Variants in MB21D2 observed in about 807,000 individuals in gnomAD.
The protein encoded by MB21D2 is Mab-21 domain containing 2.
MB21D2 carries 9 observed loss-of-function variants against 33.3 expected under a neutral mutation model. The observed-to-expected ratio is 0.27, with a 90% confidence interval of 0.16 to 0.47. The LOEUF (loss-of-function observed/expected upper bound fraction) is 0.47. Among genes scored for constraint, MB21D2 ranks in the 20% least tolerant of loss-of-function variants. The probability of loss-of-function intolerance (pLI) is 0.99; values close to 1 mark genes in which losing one functional copy is unlikely to be tolerated. For missense variants in MB21D2, 540 were observed against 624.6 expected (o/e 0.86, Z 1.44); for synonymous variants, 241 against 236.3 (o/e 1.02, Z -0.18).
In MB21D2 at chr3:192,832,483, A is replaced by C. The variant is rs969638609; in HGVS notation, c.212-32833T>G. ...ATGTTTATAATATTTAAAAATCTGCATAATAAGGATATGAAAGAGTATGTC... is the reference window on the plus strand; with the variant it reads ...ATGTTTATAATATTTAAAAATCTGCCTAATAAGGATATGAAAGAGTATGTC... On this transcript the variant is annotated intron_variant, in intron 1 of 1. Coordinates refer to ENST00000392452, the MANE Select transcript of MB21D2 (RefSeq NM_178496.4). Among the ~76,000 whole-genome samples, 4 of 152,222 alleles carry C rather than the reference A, an allele frequency of 2.6e-5. No homozygotes were observed. The East Asian group carries it at 7.7e-4, about 29-fold the overall frequency.
At chr3:192,888,436 C>G (rs2108645919) in intron 1 of MB21D2, among the ~76,000 whole-genome samples, 1 of 152,232 alleles carries the variant, frequency 6.6e-6, no homozygotes, top group Non-Finnish European at 1.5e-5. Context: ...AGCACGCGCG[C>G]TCCTAAGCAA....
rs536542972 is a variant in MB21D2, at chr3:192,902,751, T to C, written c.211+14879A>G. Among the ~76,000 whole-genome samples, 21 of 152,332 alleles carry C rather than the reference T, an allele frequency of 1.4e-4. No individual in the cohort carries two copies. The South Asian group carries it at 3.3e-3, about 24-fold the overall frequency. On this transcript the variant is annotated intron_variant, in intron 1 of 1. Coordinates refer to ENST00000392452, the MANE Select transcript of MB21D2 (RefSeq NM_178496.4). ...GACCAGCCACAGGGAGTGAACGTTA[T>C]GCTGGTTCTTTCAGATCCTGAGGAG...
chr3:192,916,982 G>A (rs1560261135), intron 1 of MB21D2, among the ~76,000 whole-genome samples: 1 of 152,218 alleles, frequency 6.6e-6, no homozygotes, highest in South Asian at 2.1e-4. Flanking sequence ...AAGAAGCACC[G>A]GAAATGCTTC....
At chr3:192,842,722 C>T (rs1712600552) in intron 1 of MB21D2, among the ~76,000 whole-genome samples, 1 of 152,102 alleles carries the variant, frequency 6.6e-6, no homozygotes, top group African/African-American at 2.4e-5. Flanking sequence ...TCAAGTCATC[C>T]TATGTAACAA....
chr3:192,830,241 AGTGTGTGTGTGTGTGT>A (rs34472117), intron 1 of MB21D2, among the ~76,000 whole-genome samples: 1 of 146,366 alleles, frequency 6.8e-6, no homozygotes, highest in East Asian at 2.0e-4. Context: ...AGTGTGTGTG[AGTGTGTGTGTGTGTGT>A]GTGTGTGTGT....
chr3:192,837,093 A>T (rs1712457098), intron 1 of MB21D2, among the ~76,000 whole-genome samples: 1 of 152,116 alleles, frequency 6.6e-6, no homozygotes, highest in South Asian at 2.1e-4. Context: ...AGAACTAAAA[A>T]ATACATGTTT....
In MB21D2 at chr3:192,879,942, G is replaced by A. The variant is rs139095289; in HGVS notation, c.211+37688C>T. Among the ~76,000 whole-genome samples, 32 of 152,248 alleles carry A rather than the reference G, an allele frequency of 2.1e-4. No homozygotes were observed. The East Asian group carries it at 6.0e-3, about 29-fold the overall frequency. ...ATGAGCTCACTCTGAGAAGAGGAAT[G>A]GACTGGCAGATCCTCAGCTCCCCAG... On this transcript the variant is annotated intron_variant, in intron 1 of 1. Coordinates refer to ENST00000392452, the MANE Select transcript of MB21D2 (RefSeq NM_178496.4).
chr3:192,890,935 T>C (rs1291381124), intron 1 of MB21D2, among the ~76,000 whole-genome samples: 1 of 152,086 alleles, frequency 6.6e-6, no homozygotes, highest in African/African-American at 2.4e-5. Context: ...TTATCCTGCG[T>C]GGGGGAAGAA....
Position 192,798,427 on chromosome 3 carries a change from C to G in MB21D2, c.1435G>C (p.Val479Leu). 6.2e-7 allele frequency: 1 copy of G among 1,614,178 alleles called. No homozygotes were observed. The highest frequency in any genetic ancestry group is 1.1e-5 in the South Asian group (1 of 91,076). Residue 479 changes from valine (V) to leucine (L), a missense_variant, in exon 2 of 2, where the codon GTC (valine) becomes CTC (leucine). Coordinates refer to ENST00000392452, the MANE Select transcript of MB21D2 (RefSeq NM_178496.4). The surrounding 1 kb of genome is among the most constrained non-coding windows in gnomAD (Gnocchi z 4.8). ...SISVFINPDDVTRPHFRIDDK... is the reference protein window; with the variant it reads ...SISVFINPDDLTRPHFRIDDK... ...TCAATTCTGAAATGGGGCCTTGTGACATCGTCAGGATTGATAAAGACAGAG... is the reference window on the plus strand; with the variant it reads ...TCAATTCTGAAATGGGGCCTTGTGAGATCGTCAGGATTGATAAAGACAGAG...
chr3:192,890,003 C>G (rs1713814279), intron 1 of MB21D2, among the ~76,000 whole-genome samples: 1 of 152,004 alleles, frequency 6.6e-6, no homozygotes, highest in African/African-American at 2.4e-5. Flanking sequence ...AGAAATAACA[C>G]ATGTCTAATG....
intron 1 of MB21D2, among the ~76,000 whole-genome samples, chr3:192,831,607 C>T (rs967580688): frequency 2.0e-5 from 3 of 152,132 alleles, no homozygotes; most frequent in Non-Finnish European, 2.9e-5. Context: ...ATCAAATCTT[C>T]AACACTTTTG....
intron 1 of MB21D2, among the ~76,000 whole-genome samples, chr3:192,812,020 T>G (rs1357316851): frequency 6.6e-6 from 1 of 152,092 alleles, no homozygotes; most frequent in Non-Finnish European, 1.5e-5. Flanking sequence ...CGTACTTTCT[T>G]TTGTGTGTGT....
chr3:192,871,781 AAGTGACATGATGGGGATGACAGAGGGG>A (rs1181656518), intron 1 of MB21D2, among the ~76,000 whole-genome samples: 1 of 152,036 alleles, frequency 6.6e-6, no homozygotes, highest in African/African-American at 2.4e-5. Flanking sequence ...CTATAGAGGG[AAGTGACATGATGGGGATGACAGAGGGG>A]AGTGACATGA....
At chr3:192,897,641 G>T (rs768719232) in intron 1 of MB21D2, among the ~76,000 whole-genome samples, 1 of 152,112 alleles carries the variant, frequency 6.6e-6, no homozygotes, top group African/African-American at 2.4e-5. Context: ...AAACACATAT[G>T]GGGGAGGGGT....
chr3:192,891,353 G>C (rs1347440184), intron 1 of MB21D2, among the ~76,000 whole-genome samples: 1 of 152,108 alleles, frequency 6.6e-6, no homozygotes, highest in Non-Finnish European at 1.5e-5. Context: ...TAATGTAATA[G>C]AACAAGAGCA....
In MB21D2 at chr3:192,835,455, C is replaced by CAAAAA. The variant is rs34280688; in HGVS notation, c.212-35810_212-35806dup. On this transcript the variant is annotated intron_variant, in intron 1 of 1. Transcript: ENST00000392452. Reference sequence around the variant, plus strand: ...TGGGCGACACAGCGAGACTCTGTCTCAAAAAAAAAAAAAAAAAAAAAGTCT... The same window carrying CAAAAA: ...TGGGCGACACAGCGAGACTCTGTCTCAAAAAAAAAAAAAAAAAAAAAAAAAAGTCT... Among the ~76,000 whole-genome samples the CAAAAA allele has an allele frequency of 1.3e-3, 77 of 61,014 alleles. 1 individual carries two copies. The highest frequency in any genetic ancestry group is 5.0e-3 in the East Asian group (10 of 1,988). The allele number at this position is 61,014 out of a possible 152,430, so 40.0% of individuals were successfully genotyped here. A position where few individuals can be genotyped will look rare whatever the true frequency, so the allele number is the denominator to read the frequency against.
intron 1 of MB21D2, among the ~76,000 whole-genome samples, chr3:192,816,183 T>C (rs557077542): frequency 5.3e-4 from 81 of 151,426 alleles, no homozygotes; most frequent in African/African-American, 1.9e-3. Context: ...TTGGGTTTTA[T>C]AGTGAAGTGG....
At chr3:192,888,784 C>T (rs2108646074) in intron 1 of MB21D2, among the ~76,000 whole-genome samples, 1 of 152,236 alleles carries the variant, frequency 6.6e-6, no homozygotes, top group East Asian at 1.9e-4. Context: ...AATCCCTCCC[C>T]TCTTTGCAAG....
At chr3:192,836,744 C>T (rs1180445787) in intron 1 of MB21D2, among the ~76,000 whole-genome samples, 5 of 152,192 alleles carry the variant, frequency 3.3e-5, no homozygotes, top group African/African-American at 1.2e-4. Flanking sequence ...GCAGACTTAG[C>T]AAGCTAATAC....
Sources: gnomAD v4.1 joint callset for allele counts (sites outside exome capture counted in the v4.1 genomes callset) on GRCh38, gnomAD v4.1.1 for gene constraint, Gnocchi (gnomAD v3.1) non-coding constraint, MANE v1.5 for transcripts, NCBI Gene and HGNC (gene_info 2026-07-23, HGNC 2026-07-21) for gene names.